PACS2: variants seen among roughly 807,000 people sequenced by gnomAD.
PACS2 encodes the protein phosphofurin acidic cluster sorting protein 2, also known as PACS1-like protein.
PACS2 carries 36 observed loss-of-function variants against 113.0 expected under a neutral mutation model. That is an observed-to-expected ratio of 0.32 (90% CI 0.24 to 0.42). The LOEUF (loss-of-function observed/expected upper bound fraction) is 0.42. PACS2 is among the 10% of genes least tolerant of loss of function. PACS2 has a pLI of 1.00. For synonymous variants in PACS2, 589 were observed against 536.1 expected (o/e 1.10, Z -1.36); for missense variants, 1,015 against 1,239.5 (o/e 0.82, Z 2.72).
chr14:105,371,965 G>A (rs944650156), intron 8 of PACS2: 5 of 152,262 alleles, frequency 3.3e-5, no homozygotes, highest in African/African-American at 1.2e-4. Context: ...TCAGGGCCCT[G>A]AGCCTATTCA....
chr14:105,322,571 T>G (rs1163590823), intron 1 of PACS2, among the ~76,000 whole-genome samples: 1 of 152,238 alleles, frequency 6.6e-6, no homozygotes, highest in Non-Finnish European at 1.5e-5. Context: ...CAGCCTACCC[T>G]GTACATTTTA....
At chr14:105,345,915 A>G (rs1311427260) in intron 1 of PACS2, among the ~76,000 whole-genome samples, 2 of 152,324 alleles carry the variant, frequency 1.3e-5, no homozygotes, top group East Asian at 3.9e-4. Context: ...GCGCCCCCTC[A>G]GGCCAGGCCC....
intron 1 of PACS2, among the ~76,000 whole-genome samples, chr14:105,302,660 A>G (rs372043216): frequency 2.0e-5 from 3 of 151,788 alleles, no homozygotes; most frequent in East Asian, 1.9e-4. Context: ...ATCAAGCCTC[A>G]CTGCAGACTC....
chr14:105,344,710 G>T (rs965913060), intron 1 of PACS2, among the ~76,000 whole-genome samples: 2 of 151,986 alleles, frequency 1.3e-5, no homozygotes, highest in Non-Finnish European at 2.9e-5. Flanking sequence ...ACTAGCATTT[G>T]GTTTTATTTT....
intron 9 of PACS2, among the ~76,000 whole-genome samples, chr14:105,378,268 A>G (rs1555410967): frequency 6.6e-6 from 1 of 152,144 alleles, no homozygotes; most frequent in Non-Finnish European, 1.5e-5. Context: ...GCCAGCTAGC[A>G]TTCATAGTTT....
intron 4 of PACS2, 42 bp from the exon 5 acceptor site, chr14:105,367,171 T>TC: frequency 6.3e-7 from 1 of 1,590,312 alleles, no homozygotes; most frequent in Non-Finnish European, 8.6e-7. Flanking sequence ...CGGGGCTCCT[T>TC]CCCGTCGTGC....
At chr14:105,321,616 G>C (rs1433018461) in intron 1 of PACS2, among the ~76,000 whole-genome samples, 1 of 152,118 alleles carries the variant, frequency 6.6e-6, no homozygotes, top group Non-Finnish European at 1.5e-5. Flanking sequence ...ACCTGCCTCA[G>C]CCTCCCAAAG....
At chr14:105,310,031 G>A (rs1176925815), upstream of PACS2, among the ~76,000 whole-genome samples, 1 of 151,554 alleles carries the variant, frequency 6.6e-6, no homozygotes, top group African/African-American at 2.4e-5. Flanking sequence ...AGATCCACCC[G>A]CCTCGGCCTC....
At chr14:105,333,816 G>A (rs1387446017) in intron 1 of PACS2, among the ~76,000 whole-genome samples, 3 of 152,246 alleles carry the variant, frequency 2.0e-5, no homozygotes, top group Non-Finnish European at 4.4e-5. Flanking sequence ...GGCTGCCCAG[G>A]ACAGGGGCTT....
intron 1 of PACS2, among the ~76,000 whole-genome samples, chr14:105,304,834 C>T (rs587759446): frequency 3.3e-4 from 50 of 152,304 alleles, no homozygotes; most frequent in African/African-American, 1.1e-3. Context: ...CTTATAAAAC[C>T]GTCAGATCTC....
chr14:105,350,430 C>A (rs2060125577), intron 2 of PACS2, among the ~76,000 whole-genome samples: 1 of 152,210 alleles, frequency 6.6e-6, no homozygotes, highest in Non-Finnish European at 1.5e-5. Context: ...CCTGCCCCAG[C>A]CTGTGTCTTG....
At chr14:105,312,968 G>A (rs11847295), upstream of PACS2, among the ~76,000 whole-genome samples, 8,255 of 152,124 alleles carry the variant, frequency 0.054, 778 homozygotes, top group African/African-American at 0.19. Flanking sequence ...CTCACAGGCC[G>A]CCATCTCCTC....
Position 105,379,825 on chromosome 14 carries a change from G to C in PACS2, c.1046G>C (p.Ser349Thr). The change falls in exon 10 of 25, where the codon AGC becomes ACC. Residue 349 changes from serine (S) to threonine (T), a missense_variant. Ser to Thr is a moderately conservative substitution (Grantham distance 58). Coordinates refer to ENST00000447393, the MANE Select transcript of PACS2 (RefSeq NM_001100913.3). ...GCCCGCAGCCACAAGGAGCCCCCAA[G>C]CCCGGTGAGTGGGGCCACACTGATC... ...HSARSHKEPP[S>T]PADVPEKTRS... 1 of 1,613,168 alleles carries C rather than the reference G, an allele frequency of 6.2e-7. No individual in the cohort carries two copies. The highest frequency in any genetic ancestry group is 8.5e-7 in the Non-Finnish European group (1 of 1,179,702).
intron 1 of PACS2, among the ~76,000 whole-genome samples, chr14:105,327,597 G>A (rs999715730): frequency 1.3e-5 from 2 of 152,206 alleles, no homozygotes; most frequent in South Asian, 2.1e-4. Flanking sequence ...TGCCTCTGCC[G>A]CTTGCTCACT....
At chr14:105,382,100 T>C (rs781842923) in intron 13 of PACS2, 42 bp downstream of exon 13, 10 of 1,525,918 alleles carry the variant, frequency 6.6e-6, no homozygotes, top group Non-Finnish European at 8.8e-6. Flanking sequence ...GCAGGGCTCG[T>C]GGTCACCCTG....
rs1286850001 is a variant in PACS2 at position 105,391,127 on chromosome 14, G to T, written c.2077-80G>T. 3 of 1,075,280 alleles carry T rather than the reference G, an allele frequency of 2.8e-6. No homozygotes were observed. The East Asian group carries it at 7.1e-5, about 25-fold the overall frequency. The allele number at this position is 1,075,280 out of a possible 1,614,324, so 66.6% of individuals were successfully genotyped here. On this transcript the variant is annotated intron_variant, in intron 20 of 24. Transcript: ENST00000447393. ...ATCATGGGAGTGGTGGCCACGGTGG[G>T]GAGGCGGGAGCCCCACTGGGAGGGC...
intron 20 of PACS2, chr14:105,390,913 C>T (rs782785348): frequency 3.4e-5 from 16 of 468,736 alleles, no homozygotes; most frequent in Non-Finnish European, 5.8e-5. Context: ...CTCTCACCAG[C>T]GTCCTGTTTT....
chr14:105,360,542 CAAAAA>C (rs60526490), intron 4 of PACS2, among the ~76,000 whole-genome samples: 1 of 101,946 alleles, frequency 9.8e-6, no homozygotes. Flanking sequence ...GACTTCCTCT[CAAAAA>C]AAAAAAAAAA....
At chr14:105,389,680 G>A (rs1555414363) in intron 19 of PACS2, 5 of 508,036 alleles carry the variant, frequency 9.8e-6, no homozygotes, top group African/African-American at 5.8e-5. Flanking sequence ...TGTGCCCTCT[G>A]GCCTGTCCTC....
Sources: gnomAD v4.1 joint callset for allele counts (sites outside exome capture counted in the v4.1 genomes callset) on GRCh38, gnomAD v4.1.1 for gene constraint, MANE v1.5 for transcripts, NCBI Gene and HGNC (gene_info 2026-07-23, HGNC 2026-07-21) for gene names.